The following TENM2 variants were observed in gnomAD, a reference collection of about 807,000 sequenced individuals.
TENM2 encodes the protein teneurin-2.
TENM2 carries 52 observed loss-of-function variants against 245.2 expected under a neutral mutation model. The observed-to-expected ratio is 0.21, with a 90% CI of 0.17 to 0.27. TENM2 has a LOEUF of 0.27. Among genes scored for constraint, TENM2 ranks in the 10% least tolerant of loss-of-function variants. The pLI is 1.00. For synonymous variants in TENM2, 1,363 were observed against 1,438.9 expected (o/e 0.95, Z 1.19); for missense variants, 3,046 against 3,666.8 (o/e 0.83, Z 4.37).
At chr5:168,060,020 T>C (rs989675647) in intron 6 of TENM2, among the ~76,000 whole-genome samples, 2 of 152,172 alleles carry the variant, frequency 1.3e-5, no homozygotes, top group Non-Finnish European at 2.9e-5. Flanking sequence ...CCAGGGTCTC[T>C]GCTCTTAAAC....
chr5:167,742,834 A>G (rs1464289282), intron 2 of TENM2, among the ~76,000 whole-genome samples: 1 of 151,750 alleles, frequency 6.6e-6, no homozygotes, highest in African/African-American at 2.4e-5. Flanking sequence ...TGGGCATGGT[A>G]GCATGTGCCT....
chr5:167,568,991 G>A (rs990366839), intron 2 of TENM2, among the ~76,000 whole-genome samples: 2 of 150,752 alleles, frequency 1.3e-5, no homozygotes, highest in African/African-American at 4.9e-5. Flanking sequence ...TCCATGCATG[G>A]AATGGGTGGC....
the TENM2 span, among the ~76,000 whole-genome samples, chr5:167,254,236 C>T: frequency 2.0e-5 from 3 of 152,076 alleles, no homozygotes; most frequent in Non-Finnish European, 2.9e-5. Context: ...AGAAAAAGGG[C>T]AGTTTCAGGA....
At chr5:167,017,699 A>G in the TENM2 span, among the ~76,000 whole-genome samples, 3 of 152,198 alleles carry the variant, frequency 2.0e-5, no homozygotes, top group East Asian at 5.8e-4. Flanking sequence ...AAATATTAAA[A>G]TTTATAACTA....
chr5:168,174,312 G>C (rs766838686), intron 13 of TENM2, among the ~76,000 whole-genome samples: 4 of 152,134 alleles, frequency 2.6e-5, no homozygotes, highest in Non-Finnish European at 5.9e-5. Context: ...TTCAGGTCAC[G>C]TCCCAGCTCC....
chr5:167,544,409 AG>A (rs2127609623), intron 2 of TENM2, among the ~76,000 whole-genome samples: 1 of 152,292 alleles, frequency 6.6e-6, no homozygotes. Context: ...TAATAATACC[AG>A]GGGCACACTT....
At chr5:167,505,467 T>C (rs1769481022) in intron 2 of TENM2, among the ~76,000 whole-genome samples, 1 of 152,200 alleles carries the variant, frequency 6.6e-6, no homozygotes, top group African/African-American at 2.4e-5. Flanking sequence ...AGAAGGGATT[T>C]ATGTGGATAC....
chr5:168,242,601 G>T (rs552965397), intron 25 of TENM2, among the ~76,000 whole-genome samples: 1 of 152,228 alleles, frequency 6.6e-6, no homozygotes, highest in South Asian at 2.1e-4. Context: ...TCAAACAATG[G>T]ATGCAAAATG....
At chr5:167,672,973 A>T (rs1410598242) in intron 2 of TENM2, among the ~76,000 whole-genome samples, 1 of 151,536 alleles carries the variant, frequency 6.6e-6, no homozygotes, top group Admixed American at 6.6e-5. Context: ...GAGCCATGCC[A>T]GTTTCTCTGG....
intron 2 of TENM2, among the ~76,000 whole-genome samples, chr5:167,450,575 T>C (rs1396542877): frequency 6.6e-6 from 1 of 152,190 alleles, no homozygotes; most frequent in Non-Finnish European, 1.5e-5. Context: ...CTTTGACTTT[T>C]TTATATATGT....
rs79684443 is a variant in TENM2, at chr5:168,037,177, A to G, written c.1187-10250A>G. On this transcript the variant is annotated intron_variant, in intron 5 of 28. Transcript: ENST00000518659. ...ATTTGCTAATACAGGACTTTTTTTT[A>G]TTTCTGAGTTTGAAAAAATCTTGAG... 3.4e-3 allele frequency among the ~76,000 whole-genome samples: 512 copies of G among 151,966 alleles called. 3 individuals carry two copies. Among genetic ancestry groups the G allele is most frequent in the African/African-American group, 0.012 (478 of 41,342 alleles).
At chr5:167,365,726 A>G (rs1186405186) in intron 1 of TENM2, among the ~76,000 whole-genome samples, 1 of 152,026 alleles carries the variant, frequency 6.6e-6, no homozygotes, top group East Asian at 1.9e-4. Context: ...TCCATCAGAA[A>G]GCTATAATGC....
chr5:167,462,762 A>T (rs1766398942), intron 2 of TENM2, among the ~76,000 whole-genome samples: 1 of 151,930 alleles, frequency 6.6e-6, no homozygotes, highest in East Asian at 2.0e-4. Context: ...TTATATGGGT[A>T]CAGGGACTGT....
the TENM2 span, among the ~76,000 whole-genome samples, chr5:167,142,023 A>G: frequency 0.016 from 2,438 of 151,696 alleles, 62 homozygotes; most frequent in African/African-American, 0.055. Context: ...GCAAACTCGG[A>G]GGGGGGGGAT....
At chr5:167,205,117 A>G in the TENM2 span, among the ~76,000 whole-genome samples, 1 of 152,220 alleles carries the variant, frequency 6.6e-6, no homozygotes, top group Admixed American at 6.5e-5. Context: ...GCCTTGGCTC[A>G]TACCTGTAAT....
At chr5:168,221,111 C>CAA (rs11480110) in intron 23 of TENM2, among the ~76,000 whole-genome samples, 57 of 129,608 alleles carry the variant, frequency 4.4e-4, no homozygotes, top group East Asian at 8.5e-4. Context: ...CACTCTGTCT[C>CAA]AAAAAAAAAA....
chr5:168,149,526 A>G (rs965884216), intron 12 of TENM2: 12 of 456,220 alleles, frequency 2.6e-5, no homozygotes, highest in Non-Finnish European at 4.9e-5. Context: ...ACAGAAACAC[A>G]TCTAGCATTA....
chr5:167,091,484 A>G, the TENM2 span, among the ~76,000 whole-genome samples: 10 of 152,174 alleles, frequency 6.6e-5, no homozygotes, highest in Non-Finnish European at 1.5e-4. Context: ...AATTGTAGGC[A>G]TATATATAGT....
the TENM2 span, among the ~76,000 whole-genome samples, chr5:167,270,493 A>G: frequency 6.6e-6 from 1 of 152,004 alleles, no homozygotes; most frequent in Admixed American, 6.6e-5. Context: ...ACTGAGGCCT[A>G]TTTCCCTCAA....
Sources: allele counts gnomAD v4.1 joint callset (sites outside exome capture counted in the v4.1 genomes callset), GRCh38; gene constraint gnomAD v4.1.1; transcripts MANE v1.5; gene names NCBI Gene and HGNC (gene_info 2026-07-23, HGNC 2026-07-21).